C5orf24: variants seen among roughly 807,000 people sequenced by gnomAD.
C5orf24 encodes chromosome 5 open reading frame 24, also known as UPF0461 protein C5orf24.
C5orf24 carries 4 observed loss-of-function variants against 9.8 expected under a neutral mutation model. The observed-to-expected ratio is 0.41, with a 90% CI of 0.20 to 0.93. The LOEUF is 0.93. Among genes scored for constraint, C5orf24 ranks in the 40% least tolerant of loss-of-function variants. The pLI, the probability that C5orf24 is intolerant of heterozygous loss-of-function variation, is 0.33. For synonymous variants in C5orf24, 73 were observed against 81.3 expected (o/e 0.90, Z 0.55); for missense variants, 170 against 236.9 (o/e 0.72, Z 1.85).
the C5orf24 span, among the ~76,000 whole-genome samples, chr5:134,834,405 C>G: frequency 6.6e-6 from 1 of 152,120 alleles, no homozygotes; most frequent in African/African-American, 2.4e-5. Context: ...AAGGCAACAT[C>G]TTTTCTCTGT....
chr5:134,842,417 G>T (rs561028975), upstream of C5orf24, among the ~76,000 whole-genome samples: 1 of 151,990 alleles, frequency 6.6e-6, no homozygotes, highest in African/African-American at 2.4e-5. Context: ...TTGAACCCGG[G>T]AAGTGGAGGT....
chr5:134,856,168 C>CTATTTTATA lies in C5orf24; in HGVS notation c.*701_*702insTATTTTATA. 1.0e-6 allele frequency: 1 copy of CTATTTTATA among 996,808 alleles called. No homozygotes were observed. The highest frequency in any genetic ancestry group is 1.2e-6 in the Non-Finnish European group (1 of 826,966). 61.7% of individuals were successfully genotyped at this position (996,808 alleles called of 1,614,324 possible). ...GAGCATATATACCAAACACTACAAA[C>CTATTTTATA]AATTCATATTTACAGAAAATTTAAA... is the stretch of plus-strand genomic sequence containing the variant. On this transcript the variant is annotated 3_prime_UTR_variant, in exon 2 of 2. Transcript: ENST00000394976.
At chr5:134,841,390 G>C (rs1755891431), upstream of C5orf24, among the ~76,000 whole-genome samples, 1 of 151,932 alleles carries the variant, frequency 6.6e-6, no homozygotes, top group Non-Finnish European at 1.5e-5. Context: ...AGGAGTTGGA[G>C]ACCAGGCTGG....
chr5:134,854,572 T>C (rs1480889912), intron 1 of C5orf24, among the ~76,000 whole-genome samples: 1 of 152,262 alleles, frequency 6.6e-6, no homozygotes, highest in Non-Finnish European at 1.5e-5. Context: ...TTTAGTAATC[T>C]AGAAGAGAAA....
At chr5:134,837,942 A>G in the C5orf24 span, among the ~76,000 whole-genome samples, 5 of 152,310 alleles carry the variant, frequency 3.3e-5, no homozygotes, top group African/African-American at 4.8e-5. Flanking sequence ...TCCTATGTAT[A>G]TGAAAGTATC....
intron 1 of C5orf24, among the ~76,000 whole-genome samples, chr5:134,847,531 T>C (rs1487129783): frequency 6.6e-6 from 1 of 152,152 alleles, no homozygotes; most frequent in African/African-American, 2.4e-5. Flanking sequence ...GCTGACCTCG[T>C]GATCCACCCT....
intron 1 of C5orf24, among the ~76,000 whole-genome samples, chr5:134,848,957 CAAAA>C (rs1158688168): frequency 1.3e-5 from 1 of 74,782 alleles, no homozygotes. Context: ...AACTCCGTCT[CAAAA>C]AAAAAAAAAA....
chr5:134,840,731 C>T (rs1395732920), upstream of C5orf24, among the ~76,000 whole-genome samples: 1 of 151,748 alleles, frequency 6.6e-6, no homozygotes, highest in East Asian at 1.9e-4. Flanking sequence ...CAGGGTCTCC[C>T]TATGTTGTTG....
intron 1 of C5orf24, chr5:134,846,795 A>C (rs1439045960): frequency 6.6e-6 from 1 of 152,224 alleles, no homozygotes; most frequent in Non-Finnish European, 1.5e-5. Context: ...CCTATTATCA[A>C]AACTTTCCGT....
chr5:134,857,566 C>T lies in C5orf24; in HGVS notation c.*2099C>T, dbSNP rs1358948701. On this transcript the variant is annotated 3_prime_UTR_variant, in exon 2 of 2. Transcript: ENST00000394976. ...ATAATCAGTTATAACATTCTGGCAG[C>T]TAAATTGCTACAAGAGCTTTTTCTT... The T allele has an allele frequency of 3.5e-6, 3 of 856,320 alleles. No homozygotes were observed. Among genetic ancestry groups the T allele is most frequent in the Non-Finnish European group, 4.8e-6 (3 of 621,476 alleles). 53.0% of individuals were successfully genotyped at this position (856,320 alleles called of 1,614,324 possible).
chr5:134,849,647 CTTTTTT>C (rs35375521), intron 1 of C5orf24, among the ~76,000 whole-genome samples: 16 of 76,976 alleles, frequency 2.1e-4, no homozygotes, highest in South Asian at 6.9e-4. Context: ...AAGTCAGTGT[CTTTTTT>C]TTTTTTTTTT....
chr5:134,833,727 CA>C, the C5orf24 span: 2 of 152,240 alleles, frequency 1.3e-5, no homozygotes, highest in South Asian at 4.2e-4. Context: ...AGTAGGAATG[CA>C]AAGAGAAAGT....
At chr5:134,838,014 T>C in the C5orf24 span, among the ~76,000 whole-genome samples, 2 of 152,010 alleles carry the variant, frequency 1.3e-5, no homozygotes, top group East Asian at 3.9e-4. Context: ...TGCGAGGCAG[T>C]GGCGGGAGGA....
chr5:134,838,470 C>T, the C5orf24 span, among the ~76,000 whole-genome samples: 1 of 151,922 alleles, frequency 6.6e-6, no homozygotes, highest in East Asian at 1.9e-4. Flanking sequence ...CAGTTTGAGA[C>T]CAGCCTGGCC....
the C5orf24 span, among the ~76,000 whole-genome samples, chr5:134,834,462 T>C: frequency 6.6e-6 from 1 of 152,166 alleles, no homozygotes; most frequent in African/African-American, 2.4e-5. Context: ...CCCAAAAGTA[T>C]ACTGTTAACT....
chr5:134,845,856 AG>A (rs1279568058), upstream of C5orf24: 1 of 152,346 alleles, frequency 6.6e-6, no homozygotes, highest in Admixed American at 6.5e-5. Flanking sequence ...GCAGCCTGCC[AG>A]CCTGGCTCCC....
At position 134,858,654 on chromosome 5, in the gene C5orf24, T is replaced by C. The variant is rs1313581638; in HGVS notation, c.*3187T>C. 2 of 167,014 alleles carry C rather than the reference T, an allele frequency of 1.2e-5. No individual in the cohort carries two copies. Among genetic ancestry groups the C allele is most frequent in the African/African-American group, 4.8e-5 (2 of 41,456 alleles). 10.3% of individuals were successfully genotyped at this position (167,014 alleles called of 1,614,324 possible). ...TTTTTCTTTAAAAAGTACTTTAACA[T>C]GCCTTATTTATTATATTAGCAAATG... On this transcript the variant is annotated 3_prime_UTR_variant, in exon 2 of 2. Coordinates refer to ENST00000394976, the MANE Select transcript of C5orf24 (RefSeq NM_001135586.1).
At chr5:134,854,594 T>C (rs1323769118) in intron 1 of C5orf24, among the ~76,000 whole-genome samples, 1 of 152,232 alleles carries the variant, frequency 6.6e-6, no homozygotes, top group Admixed American at 6.5e-5. Flanking sequence ...GCCCACAGAA[T>C]AGAACATTTG....
chr5:134,850,937 TAC>T (rs1554159307), intron 1 of C5orf24, among the ~76,000 whole-genome samples: 300 of 146,982 alleles, frequency 2.0e-3, no homozygotes, highest in African/African-American at 4.4e-3. Flanking sequence ...TATATATATA[TAC>T]ACACACACAC....
Sources: gnomAD v4.1 joint callset for allele counts (sites outside exome capture counted in the v4.1 genomes callset) on GRCh38, gnomAD v4.1.1 for gene constraint, MANE v1.5 for transcripts, NCBI Gene and HGNC (gene_info 2026-07-23, HGNC 2026-07-21) for gene names.